The following CCDC32 variants were observed in gnomAD, a reference collection of about 807,000 sequenced individuals.
CCDC32 encodes coiled-coil domain containing 32.
In CCDC32, 9 loss-of-function variants were observed where a neutral mutation model predicts 20.1. The observed-to-expected ratio is 0.45, with a 90% CI of 0.27 to 0.78. The LOEUF (loss-of-function observed/expected upper bound fraction) is 0.78. Among genes scored for constraint, CCDC32 ranks in the 30% least tolerant of loss-of-function variants. CCDC32 has a pLI of 0.16. For missense variants in CCDC32, 204 were observed against 215.5 expected, an observed-to-expected ratio of 0.95 and a Z score of 0.33; for synonymous variants, 63 against 79.0, an observed-to-expected ratio of 0.80 and a Z score of 1.07.
In CCDC32 at chr15:40,553,150, A is replaced by C; in HGVS notation, c.*821T>G. 1.0e-5 allele frequency: 10 copies of C among 985,476 alleles called. No homozygotes were observed. Among genetic ancestry groups the C allele is most frequent in the Non-Finnish European group, 1.2e-5 (10 of 829,970 alleles). 61.0% of individuals were successfully genotyped at this position (985,476 alleles called of 1,614,324 possible). A position where few individuals can be genotyped will look rare whatever the true frequency, so the allele number is the denominator to read the frequency against. ...AACACATACTGATCATGAACACAAT[A>C]AACAGGGAGGGAAGCTCGGGCTCAG... On this transcript the variant is annotated 3_prime_UTR_variant, in exon 4 of 4. Transcript: ENST00000416810.
chr15:40,532,198 G>C, downstream of CCDC32: 1 of 673,238 alleles, frequency 1.5e-6, no homozygotes, highest in Non-Finnish European at 2.7e-6. Context: ...TCTGGTCAAG[G>C]GATAGGTTTT....
At chr15:40,525,104 C>G (rs1036516501), downstream of CCDC32, among the ~76,000 whole-genome samples, 2 of 151,502 alleles carry the variant, frequency 1.3e-5, no homozygotes, top group Admixed American at 6.6e-5. Flanking sequence ...AATCTCAACT[C>G]ACCGCAACCT....
downstream of CCDC32, among the ~76,000 whole-genome samples, chr15:40,551,805 G>T (rs1300922092): frequency 1.2e-5 from 1 of 86,566 alleles, no homozygotes; most frequent in Non-Finnish European, 2.0e-5. Flanking sequence ...GTGAGACCCT[G>T]TCTCAAAAAA....
chr15:40,536,029 C>T (rs901384268), downstream of CCDC32: 2 of 152,282 alleles, frequency 1.3e-5, no homozygotes, highest in African/African-American at 4.8e-5. Context: ...TCCCTTAATC[C>T]AGCAGTGACT....
At chr15:40,524,772 G>A (rs552360629), downstream of CCDC32, among the ~76,000 whole-genome samples, 10 of 99,566 alleles carry the variant, frequency 1.0e-4, no homozygotes, top group African/African-American at 1.9e-4. Context: ...TTTTTTTGGA[G>A]ACTGGGTCTT....
At chr15:40,550,489 T>C (rs1313144603), downstream of CCDC32, among the ~76,000 whole-genome samples, 2 of 152,230 alleles carry the variant, frequency 1.3e-5, no homozygotes, top group African/African-American at 4.8e-5. Context: ...CTTGACTTAT[T>C]TGTGACCATT....
chr15:40,540,175 T>C (rs1472368113), intron 3 of CCDC32, among the ~76,000 whole-genome samples: 1 of 152,052 alleles, frequency 6.6e-6, no homozygotes, highest in African/African-American at 2.4e-5. Flanking sequence ...GAGCTCTGAC[T>C]AGGGCAATCC....
chr15:40,535,454 T>G, downstream of CCDC32: 1 of 990,706 alleles, frequency 1.0e-6, no homozygotes. Context: ...TGATCTAGGG[T>G]GTTTACAAAT....
At chr15:40,564,931 G>A (rs1345543342) in intron 1 of CCDC32, 45 bp downstream of exon 1, 4 of 928,632 alleles carry the variant, frequency 4.3e-6, no homozygotes, top group African/African-American at 1.7e-5. Flanking sequence ...CCGGGCCAGA[G>A]TGGGAGATCC....
At chr15:40,530,488 CCTCTCT>C (rs896502252), downstream of CCDC32, among the ~76,000 whole-genome samples, 3 of 139,420 alleles carry the variant, frequency 2.2e-5, no homozygotes, top group African/African-American at 7.9e-5. Context: ...TCTCTCTCTC[CCTCTCT>C]CTCTCTCTCT....
intron 3 of CCDC32, among the ~76,000 whole-genome samples, chr15:40,546,807 T>C (rs1889639645): frequency 6.6e-6 from 1 of 151,938 alleles, no homozygotes; most frequent in African/African-American, 2.4e-5. Flanking sequence ...GTTCAAGTGA[T>C]TCTCCTGCCT....
chr15:40,527,187 T>C (rs1400922617), downstream of CCDC32, among the ~76,000 whole-genome samples: 1 of 151,214 alleles, frequency 6.6e-6, no homozygotes, highest in African/African-American at 2.4e-5. Flanking sequence ...CTTTTTTTTT[T>C]TGTAACACTG....
downstream of CCDC32, chr15:40,531,961 G>A (rs1888894461): frequency 9.3e-6 from 2 of 214,666 alleles, no homozygotes; most frequent in Non-Finnish European, 9.1e-6. Context: ...ATGAGGCAGA[G>A]GGTAATATTT....
intron 2 of CCDC32, among the ~76,000 whole-genome samples, chr15:40,562,546 C>G (rs1451870720): frequency 6.6e-6 from 1 of 152,118 alleles, no homozygotes; most frequent in Non-Finnish European, 1.5e-5. Context: ...CGCCACTGCA[C>G]TCCAGCCTGG....
chr15:40,546,671 T>A (rs1403397331), intron 3 of CCDC32, among the ~76,000 whole-genome samples: 1 of 151,516 alleles, frequency 6.6e-6, no homozygotes, highest in Non-Finnish European at 1.5e-5. Context: ...GATAATGGAT[T>A]GGGTTGTTTT....
chr15:40,554,909 A>G (rs1890137757), intron 3 of CCDC32, among the ~76,000 whole-genome samples: 1 of 152,232 alleles, frequency 6.6e-6, no homozygotes, highest in Admixed American at 6.5e-5. Context: ...CCAAGAAAGA[A>G]TACCATAACA....
At chr15:40,539,423 CAG>C in intron 3 of CCDC32, 9 of 1,363,456 alleles carry the variant, frequency 6.6e-6, no homozygotes, top group Admixed American at 2.0e-5. Context: ...CACACACTAA[CAG>C]AGTCAAAGAG....
chr15:40,559,044 T>G (rs772198762), intron 2 of CCDC32, among the ~76,000 whole-genome samples: 5 of 152,076 alleles, frequency 3.3e-5, no homozygotes, highest in Non-Finnish European at 5.9e-5. Context: ...CCTCATGTGA[T>G]CTGCCTGCCT....
At chr15:40,525,308 G>A (rs552152662), downstream of CCDC32, among the ~76,000 whole-genome samples, 6 of 152,058 alleles carry the variant, frequency 3.9e-5, no homozygotes, top group South Asian at 2.1e-4. Context: ...GATTACAGGC[G>A]TGAGCCACTG....
Sources: allele counts gnomAD v4.1 joint callset (sites outside exome capture counted in the v4.1 genomes callset), GRCh38; gene constraint gnomAD v4.1.1; transcripts MANE v1.5; gene names NCBI Gene and HGNC (gene_info 2026-07-23, HGNC 2026-07-21).